Variants in RSAD2 observed in about 807,000 individuals in gnomAD.
The protein encoded by RSAD2 is S-adenosylmethionine-dependent nucleotide dehydratase RSAD2.
RSAD2 carries 38 observed loss-of-function variants against 37.7 expected under a neutral mutation model. That is an observed-to-expected ratio of 1.01 (90% CI 0.78 to 1.32). RSAD2 has a LOEUF of 1.32. RSAD2 is among the 40% of genes most tolerant of loss of function. The probability of loss-of-function intolerance (pLI) is 0.00; values close to 1 mark genes in which losing one functional copy is unlikely to be tolerated. For missense variants in RSAD2, 428 were observed against 437.5 expected, an observed-to-expected ratio of 0.98 and a Z score of 0.19; for synonymous variants, 163 against 157.4, an observed-to-expected ratio of 1.04 and a Z score of -0.27.
At chr2:6,895,104 C>A (rs573374677) in intron 5 of RSAD2, among the ~76,000 whole-genome samples, 1 of 150,424 alleles carries the variant, frequency 6.6e-6, no homozygotes, top group East Asian at 2.0e-4. Context: ...GAAATCGTTT[C>A]TGCCTACAGA....
intron 1 of RSAD2, among the ~76,000 whole-genome samples, chr2:6,880,204 T>C (rs1305397193): frequency 2.0e-5 from 3 of 152,176 alleles, no homozygotes; most frequent in Middle Eastern, 3.2e-3. Context: ...ACTATTTTTT[T>C]GGTTGTAAGA....
intron 1 of RSAD2, chr2:6,878,865 C>G (rs1048523647): frequency 6.5e-6 from 8 of 1,228,390 alleles, no homozygotes; most frequent in African/African-American, 3.1e-5. Flanking sequence ...AGCTTCTTTC[C>G]CTCCTTGTTT....
chr2:6,878,148 T>A lies in RSAD2; in HGVS notation c.346+2T>A, dbSNP rs746711203. 1.2e-6 allele frequency: 2 copies of A among 1,611,294 alleles called. No homozygotes were observed. The highest frequency in any genetic ancestry group is 1.7e-6 in the Non-Finnish European group (2 of 1,178,576). Reference sequence around the variant, plus strand: ...GATTGCTTTTGCTTAAGGAAGCTGGTGAGTACATGGTCCTAGACAGAAATC... The same window carrying A: ...GATTGCTTTTGCTTAAGGAAGCTGGAGAGTACATGGTCCTAGACAGAAATC... On this transcript the variant is annotated splice_donor_variant, in intron 1 of 5. Transcript: ENST00000382040. LOFTEE classifies it high-confidence loss of function.
intron 1 of RSAD2, among the ~76,000 whole-genome samples, chr2:6,870,818 G>C (rs1639024300): frequency 6.6e-6 from 1 of 152,236 alleles, no homozygotes; most frequent in Non-Finnish European, 1.5e-5. Flanking sequence ...AAAGGAGCAA[G>C]TTTGTCAGGT....
In RSAD2 at chr2:6,881,852, G is replaced by A. The variant is rs73156058; in HGVS notation, c.347-1519G>A. Among the ~76,000 whole-genome samples, 530 of 152,114 alleles carry A rather than the reference G, an allele frequency of 3.5e-3. 6 individuals are homozygous for A. Among genetic ancestry groups the A allele is most frequent in the African/African-American group, 0.012 (515 of 41,498 alleles). On this transcript the variant is annotated intron_variant, in intron 1 of 5. Transcript: ENST00000382040. ...CATCCTCCTAGAACGCAGGCAGGCAGGTGTGTAATGCATAGACCCCATCCT... is the reference window on the plus strand; with the variant it reads ...CATCCTCCTAGAACGCAGGCAGGCAAGTGTGTAATGCATAGACCCCATCCT...
intron 1 of RSAD2, among the ~76,000 whole-genome samples, chr2:6,869,921 T>C (rs1018081933): frequency 6.6e-6 from 1 of 152,152 alleles, no homozygotes; most frequent in Non-Finnish European, 1.5e-5. Context: ...CTTTCTAACT[T>C]TGGGGCTTGA....
Position 6,893,678 on chromosome 2 carries a change from A to ACTC in RSAD2, c.899_901dup (p.Ser300dup). On this transcript the variant is annotated inframe_insertion, in exon 5 of 6. Transcript: ENST00000382040. The stretch of plus-strand genomic sequence containing the variant: ...TTAACTTCTCCTTTGCAGATGAAAG[A>ACTC]CTCCTACCTTATTCTGGATGAATAT... 1.2e-6 allele frequency: 2 copies of ACTC among 1,607,528 alleles called. No homozygotes were observed. The highest frequency in any genetic ancestry group is 1.7e-6 in the Non-Finnish European group (2 of 1,174,340).
chr2:6,890,180 T>A lies in RSAD2; in HGVS notation c.743T>A (p.Phe248Tyr). The A allele has an allele frequency of 6.2e-7, 1 of 1,614,122 alleles. No individual in the cohort carries two copies. Among genetic ancestry groups the A allele is most frequent in the South Asian group, 1.1e-5 (1 of 91,070 alleles). Residue 248 changes from phenylalanine (F) to tyrosine (Y), a missense_variant, in exon 4 of 6, where the codon TTC (phenylalanine) becomes TAC (tyrosine). Coordinates refer to ENST00000382040, the MANE Select transcript of RSAD2 (RefSeq NM_080657.5). ...AACACTACCATTGCCTTTCAGGTGTTCCAGTGCCTCTTAATTGAGGGTGAG... is the reference window on the plus strand; with the variant it reads ...AACACTACCATTGCCTTTCAGGTGTACCAGTGCCTCTTAATTGAGGGTGAG... ...KALNPVRWKV[F>Y]QCLLIEGENC... is the part of the protein sequence containing the mutation.
Position 6,895,957 on chromosome 2 carries a change from C to G in RSAD2, c.*15C>G. Reference sequence around the variant, plus strand: ...TGGATTGGTAGAGCGGAAAGTGGAACGAGACTTCAACACACCAGTGGGAAA... The same window carrying G: ...TGGATTGGTAGAGCGGAAAGTGGAAGGAGACTTCAACACACCAGTGGGAAA... On this transcript the variant is annotated 3_prime_UTR_variant, in exon 6 of 6. Coordinates refer to ENST00000382040, the MANE Select transcript of RSAD2 (RefSeq NM_080657.5). 2.5e-6 allele frequency: 4 copies of G among 1,610,664 alleles called. No individual in the cohort carries two copies. The highest frequency in any genetic ancestry group is 1.7e-6 in the Non-Finnish European group (2 of 1,177,694).
Position 6,883,507 on chromosome 2 carries a change from C to T in RSAD2, c.483C>T (p.Ile161=), listed in dbSNP as rs562276412. Residue 161 remains isoleucine (I), a synonymous_variant, in exon 2 of 6, where the codon ATC becomes ATT. Coordinates refer to ENST00000382040, the MANE Select transcript of RSAD2 (RefSeq NM_080657.5). ...SVSIVSNGSL[I]RERWFQNYGE... The stretch of plus-strand genomic sequence containing the variant: ...GCATCGTGAGCAATGGAAGCCTGAT[C>T]CGGGAGAGGTGGTTCCAGAATTATG... 3.7e-6 allele frequency: 6 copies of T among 1,614,114 alleles called. No individual in the cohort carries two copies. Among genetic ancestry groups the T allele is most frequent in the African/African-American group, 2.7e-5 (2 of 75,012 alleles).
At position 6,883,251 on chromosome 2, in the gene RSAD2, G is replaced by T. The variant is rs1003385832; in HGVS notation, c.347-120G>T. 8 of 1,088,640 alleles carry T rather than the reference G, an allele frequency of 7.3e-6. No individual in the cohort carries two copies. The African/African-American group carries it at 1.1e-4, about 15-fold the overall frequency. 67.4% of individuals were successfully genotyped at this position (1,088,640 alleles called of 1,614,324 possible). Reference sequence around the variant, plus strand: ...TTGGTGTTGGGAACTAGGGTTAGGGGAGGGGAAATTAATGAGAAAGTTTTA... The same window carrying T: ...TTGGTGTTGGGAACTAGGGTTAGGGTAGGGGAAATTAATGAGAAAGTTTTA... On this transcript the variant is annotated intron_variant, in intron 1 of 5. Transcript: ENST00000382040.
rs1295193856 is a variant in RSAD2 at position 6,896,722 on chromosome 2, C to G, written c.*780C>G. The G allele has an allele frequency of 6.6e-6, 1 of 152,168 alleles. No individual in the cohort carries two copies. The highest frequency in any genetic ancestry group is 2.4e-5 in the African/African-American group (1 of 41,430). The allele number at this position is 152,168 out of a possible 1,614,324, so 9.4% of individuals were successfully genotyped here. On this transcript the variant is annotated 3_prime_UTR_variant, in exon 6 of 6. Coordinates refer to ENST00000382040, the MANE Select transcript of RSAD2 (RefSeq NM_080657.5). ...GCCCACGGTGGCTGTTCCATGAATG[C>G]TGGCTACCTATGTGTGTGGTACCTG... is the stretch of plus-strand genomic sequence containing the variant.
chr2:6,890,138 A>T (rs748136737), intron 3 of RSAD2, 38 bp from the exon 4 acceptor site: 27 of 1,604,552 alleles, frequency 1.7e-5, no homozygotes, highest in Non-Finnish European at 2.3e-5. Context: ...ACACGATGGA[A>T]AGCTCTCTGC....
intron 5 of RSAD2, among the ~76,000 whole-genome samples, chr2:6,895,245 C>T (rs1334455499): frequency 6.6e-6 from 1 of 152,226 alleles, no homozygotes; most frequent in Admixed American, 6.5e-5. Context: ...CTGGCACCTG[C>T]CTGCCTCAGC....
Position 6,866,122 on chromosome 2 carries a change from G to C in RSAD2, c.142+77G>C, listed in dbSNP as rs183844820. 6.4e-3 allele frequency: 1,422 copies of C among 220,486 alleles called. 11 individuals are homozygous for C. Among genetic ancestry groups the C allele is most frequent in the African/African-American group, 0.032 (1,352 of 42,390 alleles). The allele number at this position is 220,486 out of a possible 1,614,324, so 13.7% of individuals were successfully genotyped here. A position where few individuals can be genotyped will look rare whatever the true frequency, so the allele number is the denominator to read the frequency against. The stretch of plus-strand genomic sequence containing the variant: ...GTTCCTCCTCTGCGGCTTATGCCGG[G>C]TGCATGGAGGGGGGCGGGGGTGCAC... On this transcript the variant is annotated intron_variant, in intron 1 of 5. Transcript: ENST00000442639.
At chr2:6,865,908 G>A in exon 1 of RSAD2, 1 of 1,414,510 alleles carries the variant, frequency 7.1e-7, no homozygotes, top group Non-Finnish European at 9.2e-7. Context: ...CGCGAGATGT[G>A]CGCGATAAAC....
At chr2:6,892,797 C>T (rs778330241) in intron 4 of RSAD2, among the ~76,000 whole-genome samples, 1 of 152,222 alleles carries the variant, frequency 6.6e-6, no homozygotes, top group African/African-American at 2.4e-5. Flanking sequence ...CCCATCCCTT[C>T]CTAGGAGTTG....
At chr2:6,878,898 A>T (rs886751580) in intron 1 of RSAD2, 9 of 1,132,964 alleles carry the variant, frequency 7.9e-6, no homozygotes, top group Non-Finnish European at 8.3e-6. Context: ...AAAGCATAGC[A>T]TACATGCACC....
chr2:6,868,884 A>G (rs1663154398), intron 1 of RSAD2, among the ~76,000 whole-genome samples: 1 of 152,206 alleles, frequency 6.6e-6, no homozygotes, highest in African/African-American at 2.4e-5. Flanking sequence ...GAGGCTCTTT[A>G]TATTCATGGT....
Sources: gnomAD v4.1 joint callset for allele counts (sites outside exome capture counted in the v4.1 genomes callset) on GRCh38, gnomAD v4.1.1 for gene constraint, MANE v1.5 for transcripts, NCBI Gene and HGNC (gene_info 2026-07-23, HGNC 2026-07-21) for gene names.